The following SLC28A3 variants were observed in gnomAD, a reference collection of about 807,000 sequenced individuals.
The protein encoded by SLC28A3 is solute carrier family 28 member 3, also known as concentrative Na(+)-nucleoside cotransporter 3.
In SLC28A3, 68 loss-of-function variants were observed where a neutral mutation model predicts 84.2. The observed-to-expected ratio is 0.81, with a 90% confidence interval of 0.66 to 0.99. SLC28A3 has a LOEUF of 0.99. Among genes scored for constraint, SLC28A3 ranks in the 50% least tolerant of loss-of-function variants. The pLI, the probability that SLC28A3 is intolerant of heterozygous loss-of-function variation, is 0.00. For missense variants in SLC28A3, 712 were observed against 841.5 expected (o/e 0.85, Z 1.90); for synonymous variants, 267 against 303.6 (o/e 0.88, Z 1.25).
At chr9:84,359,921 A>C in the SLC28A3 span, among the ~76,000 whole-genome samples, 1 of 150,088 alleles carries the variant, frequency 6.7e-6, no homozygotes, top group African/African-American at 2.5e-5. Context: ...GAATTGCTTG[A>C]GCCAGGAGAG....
intron 15 of SLC28A3, 33 bp downstream of exon 15, chr9:84,280,768 T>A: frequency 6.2e-7 from 1 of 1,606,294 alleles, no homozygotes. Flanking sequence ...CTATGGCACA[T>A]CTGTGTTGTT....
chr9:84,319,425 G>C (rs923698739), intron 1 of SLC28A3, among the ~76,000 whole-genome samples: 1 of 152,260 alleles, frequency 6.6e-6, no homozygotes, highest in African/African-American at 2.4e-5. Context: ...AGCACTTTGG[G>C]GGGCTGAGGC....
At chr9:84,346,762 A>C in the SLC28A3 span, among the ~76,000 whole-genome samples, 1 of 152,278 alleles carries the variant, frequency 6.6e-6, no homozygotes, top group Middle Eastern at 3.4e-3. Context: ...TACACTATAT[A>C]CCAGGAAAGG....
In SLC28A3 at chr9:84,290,558, C is replaced by T. The variant is rs191312907; in HGVS notation, c.1024-279G>A. 6.0e-4 allele frequency among the ~76,000 whole-genome samples: 91 copies of T among 152,260 alleles called. 1 individual carries two copies. The highest frequency in any genetic ancestry group is 1.0e-3 in the Non-Finnish European group (71 of 68,016). On this transcript the variant is annotated intron_variant, in intron 10 of 17. Coordinates refer to ENST00000376238, the MANE Select transcript of SLC28A3 (RefSeq NM_001199633.2). ...CAAATTTGAGAACCCACACCATCGACGTCTGGGTTATTTGAACTCTAGATC... is the reference window on the plus strand; with the variant it reads ...CAAATTTGAGAACCCACACCATCGATGTCTGGGTTATTTGAACTCTAGATC...
chr9:84,351,587 G>C, the SLC28A3 span, among the ~76,000 whole-genome samples: 410 of 151,938 alleles, frequency 2.7e-3, 13 homozygotes, highest in Non-Finnish European at 3.3e-3. Context: ...TGAGCCCCAG[G>C]AGGTCAAGGC....
At chr9:84,309,492 C>T (rs1825909988) in intron 3 of SLC28A3, 137 bp downstream of exon 3, 2 of 638,138 alleles carry the variant, frequency 3.1e-6, no homozygotes, top group South Asian at 2.1e-5. Flanking sequence ...CACTGCACTC[C>T]AGCCTGGGTG....
chr9:84,326,724 G>A (rs1826570517), intron 1 of SLC28A3, among the ~76,000 whole-genome samples: 1 of 152,098 alleles, frequency 6.6e-6, no homozygotes. Context: ...TAACACCTCA[G>A]GCCAAGTGTG....
At chr9:84,280,704 G>C in intron 15 of SLC28A3, 97 bp downstream of exon 15, 1 of 1,156,484 alleles carries the variant, frequency 8.6e-7, no homozygotes, top group Non-Finnish European at 1.3e-6. Flanking sequence ...TGTTGCAAAG[G>C]CCTTTGTTTT....
Position 84,308,493 on chromosome 9 carries a change from C to T in SLC28A3, c.242+1136G>A, listed in dbSNP as rs556697008. ...CCCGGGAGATGGAGGTTTCAGTGAG[C>T]TGAGATTGTGCCACTGCACTCCAGC... On this transcript the variant is annotated intron_variant, in intron 3 of 17. Coordinates refer to ENST00000376238, the MANE Select transcript of SLC28A3 (RefSeq NM_001199633.2). Among the ~76,000 whole-genome samples the T allele has an allele frequency of 7.3e-5, 11 of 151,442 alleles. No homozygotes were observed. The South Asian group carries it at 1.9e-3, about 26-fold the overall frequency.
In SLC28A3 at chr9:84,278,126, C is replaced by G. The variant is rs1824590446; in HGVS notation, c.*92G>C. ...AAAGCTGATTCCATTATGGAAGCAT[C>G]AATCTGTGGACAATAGCTTCTTTTT... is the stretch of plus-strand genomic sequence containing the variant. On this transcript the variant is annotated 3_prime_UTR_variant, in exon 18 of 18. Transcript: ENST00000376238. 1 of 1,458,266 alleles carries G rather than the reference C, an allele frequency of 6.9e-7. No individual in the cohort carries two copies. Among genetic ancestry groups the G allele is most frequent in the Non-Finnish European group, 9.2e-7 (1 of 1,084,726 alleles). The allele number at this position is 1,458,266 out of a possible 1,614,324, so 90.3% of individuals were successfully genotyped here.
intron 11 of SLC28A3, 100 bp from the exon 12 acceptor site, chr9:84,288,278 G>T: frequency 1.3e-6 from 2 of 1,514,800 alleles, no homozygotes; most frequent in South Asian, 1.2e-5. Flanking sequence ...CAGGGCAGGG[G>T]TTGTTTCTAT....
At chr9:84,283,526 G>A (rs772319484) in intron 14 of SLC28A3, among the ~76,000 whole-genome samples, 9 of 152,222 alleles carry the variant, frequency 5.9e-5, no homozygotes, top group Non-Finnish European at 1.2e-4. Context: ...TACGTTCCAG[G>A]GAGAAGAGGT....
chr9:84,300,483 C>T (rs551060244), intron 5 of SLC28A3, among the ~76,000 whole-genome samples: 1 of 152,324 alleles, frequency 6.6e-6, no homozygotes, highest in East Asian at 1.9e-4. Context: ...CAAGTTCTGG[C>T]TCCTCTGGGG....
intron 3 of SLC28A3, among the ~76,000 whole-genome samples, chr9:84,307,207 G>A (rs905196358): frequency 6.6e-6 from 1 of 150,994 alleles, no homozygotes; most frequent in Non-Finnish European, 1.5e-5. Flanking sequence ...AAGGCGGGTG[G>A]ATCAACTGAG....
chr9:84,299,730 G>A lies in SLC28A3; in HGVS notation c.525-5C>T, dbSNP rs1317902838. ...ACCAGGGAGCTCCAGATCACCCTAA[G>A]AGAAGGGGAAAGGAGGCATTGGCAT... is the stretch of plus-strand genomic sequence containing the variant. On this transcript the variant is annotated splice_polypyrimidine_tract_variant and splice_region_variant and intron_variant, in intron 5 of 17. Coordinates refer to ENST00000376238, the MANE Select transcript of SLC28A3 (RefSeq NM_001199633.2). 2 of 1,578,516 alleles carry A rather than the reference G, an allele frequency of 1.3e-6. No individual in the cohort carries two copies. The highest frequency in any genetic ancestry group is 1.2e-5 in the South Asian group (1 of 84,594).
At chr9:84,336,775 C>G (rs1316110939) in intron 1 of SLC28A3, among the ~76,000 whole-genome samples, 1 of 152,228 alleles carries the variant, frequency 6.6e-6, no homozygotes, top group Non-Finnish European at 1.5e-5. Flanking sequence ...AGCCTGCCCC[C>G]TTTCCCTATA....
chr9:84,285,872 C>T (rs1564146651), intron 13 of SLC28A3, 71 bp downstream of exon 13: 5 of 1,509,316 alleles, frequency 3.3e-6, no homozygotes, highest in East Asian at 2.4e-5. Flanking sequence ...GGGCTGTTTA[C>T]AAACCTATTT....
intron 14 of SLC28A3, among the ~76,000 whole-genome samples, chr9:84,282,096 C>T (rs775806998): frequency 1.3e-5 from 2 of 152,144 alleles, no homozygotes; most frequent in African/African-American, 2.4e-5. Context: ...GAGCTGAGAT[C>T]GCACCGTTGC....
chr9:84,278,512 C>T, intron 17 of SLC28A3, 168 bp from the exon 18 acceptor site: 4 of 813,182 alleles, frequency 4.9e-6, no homozygotes, highest in Non-Finnish European at 7.4e-6. Context: ...GTTTTGGCTC[C>T]TAAATTCTGG....
Sources: gnomAD v4.1 joint callset for allele counts (sites outside exome capture counted in the v4.1 genomes callset) on GRCh38, gnomAD v4.1.1 for gene constraint, MANE v1.5 for transcripts, NCBI Gene and HGNC (gene_info 2026-07-23, HGNC 2026-07-21) for gene names.